TEX11: variants seen among roughly 807,000 people sequenced by gnomAD.
TEX11 encodes the protein testis-expressed protein 11.
Under a neutral mutation model 84.4 loss-of-function variants are expected in TEX11, and 7 were observed. The ratio of observed to expected loss-of-function variants is 0.08; its 90% CI spans 0.05 to 0.16. The LOEUF (loss-of-function observed/expected upper bound fraction) is 0.16. Among genes scored for constraint, TEX11 ranks in the 10% least tolerant of loss-of-function variants. The pLI, the probability that TEX11 is intolerant of heterozygous loss-of-function variation, is 1.00. For synonymous variants in TEX11, 264 were observed against 222.8 expected (o/e 1.18, Z -1.64); for missense variants, 551 against 660.5 (o/e 0.83, Z 1.82).
intron 20 of TEX11, among the ~76,000 whole-genome samples, chrX:70,617,909 G>A (rs747827628): frequency 8.9e-6 from 1 of 112,232 alleles, no homozygotes; most frequent in South Asian, 3.8e-4. Context: ...ATGAGGAGCT[G>A]CTGGATTCTA....
chrX:70,646,047 A>G (rs1003774876), intron 17 of TEX11, among the ~76,000 whole-genome samples: 1 of 112,094 alleles, frequency 8.9e-6, no homozygotes, highest in Non-Finnish European at 1.9e-5. Flanking sequence ...TAATCAAAAC[A>G]GCATGGTATT....
intron 7 of TEX11, among the ~76,000 whole-genome samples, chrX:70,838,152 C>T (rs1363957751): frequency 2.7e-5 from 3 of 112,021 alleles, no homozygotes; most frequent in African/African-American, 9.7e-5. Context: ...GGCACGGTAG[C>T]TCACACCTGC....
chrX:70,572,155 A>G (rs1182705135), intron 25 of TEX11, among the ~76,000 whole-genome samples: 5 of 104,020 alleles, frequency 4.8e-5, no homozygotes, highest in Middle Eastern at 4.9e-3. Flanking sequence ...AATTTACAAG[A>G]AAAAAAAAAA....
At chrX:70,858,517 T>C (rs1403017019) in intron 5 of TEX11, among the ~76,000 whole-genome samples, 1 of 104,638 alleles carries the variant, frequency 9.6e-6, no homozygotes, top group Non-Finnish European at 2.0e-5. Flanking sequence ...ATGGAAAAAA[T>C]AGAAAATAAA....
intron 9 of TEX11, among the ~76,000 whole-genome samples, chrX:70,767,041 A>G (rs1034286272): frequency 8.9e-6 from 1 of 112,139 alleles, no homozygotes; most frequent in African/African-American, 3.2e-5. Context: ...GAAAATCTCT[A>G]TAACATCAGT....
intron 8 of TEX11, among the ~76,000 whole-genome samples, chrX:70,810,021 G>A (rs1049539369): frequency 3.6e-5 from 4 of 111,796 alleles, no homozygotes; most frequent in South Asian, 3.8e-4. Context: ...ACATTTATGC[G>A]ACCAACAAAC....
intron 13 of TEX11, among the ~76,000 whole-genome samples, chrX:70,697,108 C>T (rs190211913): frequency 1.8e-5 from 2 of 111,967 alleles, no homozygotes; most frequent in East Asian, 5.6e-4. Context: ...GTGCTAAATA[C>T]TTCTTGTGCT....
intron 2 of TEX11, among the ~76,000 whole-genome samples, chrX:70,890,222 A>G (rs934978365): frequency 8.9e-6 from 1 of 112,152 alleles, no homozygotes; most frequent in African/African-American, 3.2e-5. Flanking sequence ...TCAGGATTCC[A>G]TTCCAAGATG....
At chrX:70,528,866 A>G, downstream of TEX11, 1 of 391,953 alleles carries the variant, frequency 2.6e-6, no homozygotes, top group Non-Finnish European at 4.4e-6. Context: ...TTGCTCTCAC[A>G]TGGTCTATTT....
chrX:70,554,948 T>C (rs1362853046), intron 25 of TEX11, 148 bp from the exon 26 acceptor site: 2 of 495,349 alleles, frequency 4.0e-6, no homozygotes, highest in Non-Finnish European at 6.1e-6. Context: ...TGTAGACAGA[T>C]TCTAAATTTT....
At chrX:70,734,047 C>T (rs765917783) in intron 11 of TEX11, among the ~76,000 whole-genome samples, 18 of 110,471 alleles carry the variant, frequency 1.6e-4, no homozygotes, top group African/African-American at 4.6e-4. Context: ...AGCAAACTAT[C>T]GCAAGGACAA....
chrX:70,697,240 A>T, intron 13 of TEX11, among the ~76,000 whole-genome samples: 1 of 112,022 alleles, frequency 8.9e-6, no homozygotes, highest in East Asian at 2.8e-4. Flanking sequence ...CTGGTTAGTG[A>T]CTTTAATTAC....
chrX:70,845,021 C>T (rs2091471216), intron 7 of TEX11, among the ~76,000 whole-genome samples: 1 of 111,701 alleles, frequency 9.0e-6, no homozygotes, highest in African/African-American at 3.3e-5. Context: ...CCTAAAAGCT[C>T]AAACTTTTTC....
At chrX:70,515,067 A>G in the TEX11 span, among the ~76,000 whole-genome samples, 3 of 92,030 alleles carry the variant, frequency 3.3e-5, no homozygotes, top group African/African-American at 1.8e-4. Flanking sequence ...AAACTCGGTC[A>G]CACACACACA....
rs143773598 is a variant in TEX11, at chrX:70,791,067, T to A, written c.692+15638A>T. ...TGCAGCCATAAAAATGATGAGTTCATGTCCTTTGTAGGGACATGGATGAAG... is the reference window on the plus strand; with the variant it reads ...TGCAGCCATAAAAATGATGAGTTCAAGTCCTTTGTAGGGACATGGATGAAG... On this transcript the variant is annotated intron_variant, in intron 9 of 29. Coordinates refer to ENST00000374333, the MANE Select transcript of TEX11 (RefSeq NM_031276.3). Among the ~76,000 whole-genome samples the A allele has an allele frequency of 9.1e-3, 1,022 of 111,878 alleles. 9 individuals carry two copies. The highest frequency in any genetic ancestry group is 0.016 in the Non-Finnish European group (859 of 53,215).
intron 24 of TEX11, among the ~76,000 whole-genome samples, chrX:70,600,292 G>C (rs1254304099): frequency 9.0e-6 from 1 of 111,505 alleles, no homozygotes; most frequent in Non-Finnish European, 1.9e-5. Context: ...ATTTTTTCGT[G>C]TGTTTTTTGG....
chrX:70,887,537 A>C (rs1376454140), intron 2 of TEX11, among the ~76,000 whole-genome samples: 1 of 112,185 alleles, frequency 8.9e-6, no homozygotes, highest in Non-Finnish European at 1.9e-5. Flanking sequence ...GGGTTTCAAC[A>C]CCAGCTCAAC....
intron 10 of TEX11, among the ~76,000 whole-genome samples, chrX:70,743,558 C>T (rs2090747390): frequency 9.0e-6 from 1 of 111,321 alleles, no homozygotes; most frequent in African/African-American, 3.3e-5. Context: ...GAAAAATCTG[C>T]AACTTCAAAA....
chrX:70,730,586 T>A (rs1297978883), intron 11 of TEX11, among the ~76,000 whole-genome samples: 4 of 111,662 alleles, frequency 3.6e-5, no homozygotes, highest in Non-Finnish European at 7.5e-5. Context: ...AAGGATCAGT[T>A]CAACAAGAAG....
Sources: allele counts gnomAD v4.1 joint callset (sites outside exome capture counted in the v4.1 genomes callset), GRCh38; gene constraint gnomAD v4.1.1; transcripts MANE v1.5; gene names NCBI Gene and HGNC (gene_info 2026-07-23, HGNC 2026-07-21).